Variants in MTHFD2L observed in about 807,000 individuals in gnomAD.
The protein encoded by MTHFD2L is bifunctional methylenetetrahydrofolate dehydrogenase/cyclohydrolase 2, mitochondrial.
MTHFD2L carries 29 observed loss-of-function variants against 34.9 expected under a neutral mutation model. The ratio of observed to expected loss-of-function variants is 0.83; its 90% confidence interval spans 0.62 to 1.13. The LOEUF (loss-of-function observed/expected upper bound fraction) is 1.13, where lower values mean the gene tolerates loss of function less well. Ranked by LOEUF, MTHFD2L falls within the 50% of genes most tolerant of loss-of-function variation. MTHFD2L has a pLI of 0.00. For missense variants in MTHFD2L, 481 were observed against 446.5 expected, an observed-to-expected ratio of 1.08 and a Z score of -0.70; for synonymous variants, 167 against 155.7, an observed-to-expected ratio of 1.07 and a Z score of -0.54.
At chr4:74,223,196 G>C (rs567810084) in intron 5 of MTHFD2L, among the ~76,000 whole-genome samples, 2 of 151,954 alleles carry the variant, frequency 1.3e-5, no homozygotes, top group South Asian at 4.2e-4. Flanking sequence ...ATTAATGGTA[G>C]ACTAGATAAA....
At chr4:74,129,441 A>G (rs1722307834) in intron 1 of MTHFD2L, among the ~76,000 whole-genome samples, 1 of 152,160 alleles carries the variant, frequency 6.6e-6, no homozygotes, top group Non-Finnish European at 1.5e-5. Context: ...TAAGAAACTC[A>G]CTCAAAACCA....
chr4:74,130,940 A>T (rs1216002421), intron 1 of MTHFD2L, among the ~76,000 whole-genome samples: 1 of 152,198 alleles, frequency 6.6e-6, no homozygotes, highest in Non-Finnish European at 1.5e-5. Flanking sequence ...CCTATACACC[A>T]ATAATAGACA....
intron 1 of MTHFD2L, chr4:74,161,677 A>G (rs1725497250): frequency 6.6e-6 from 1 of 152,196 alleles, no homozygotes; most frequent in African/African-American, 2.4e-5. Context: ...TTAATTTTAG[A>G]TCTTGTTAGT....
rs768932793 is a variant in MTHFD2L at position 74,207,766 on chromosome 4, C to CTTTTTTTTTTTTTTTTT, written c.712+6412_712+6413insTTTTTTTTTTTTTTTTT. ...AATTAACCCCAGTTGTGAAAAAGAACTTTTTTTTTTTTTTTTGCCAGCCTG... is the reference window on the plus strand; with the variant it reads ...AATTAACCCCAGTTGTGAAAAAGAACTTTTTTTTTTTTTTTTTTTTTTTTTTTTTTTTTGCCAGCCTG... On this transcript the variant is annotated intron_variant, in intron 5 of 7. Coordinates refer to ENST00000325278, the MANE Select transcript of MTHFD2L (RefSeq NM_001144978.3). Among the ~76,000 whole-genome samples the CTTTTTTTTTTTTTTTTT allele has an allele frequency of 2.2e-4, 28 of 128,460 alleles. 1 individual carries two copies. The highest frequency in any genetic ancestry group is 8.6e-4 in the African/African-American group (28 of 32,636). 84.3% of individuals were successfully genotyped at this position (128,460 alleles called of 152,430 possible).
chr4:74,229,260 G>A (rs1739651051), intron 6 of MTHFD2L, among the ~76,000 whole-genome samples: 1 of 152,096 alleles, frequency 6.6e-6, no homozygotes, highest in African/African-American at 2.4e-5. Flanking sequence ...GAATGTGAGT[G>A]AATATAAAAA....
At chr4:74,246,411 T>C (rs1742456010) in intron 6 of MTHFD2L, among the ~76,000 whole-genome samples, 1 of 151,940 alleles carries the variant, frequency 6.6e-6, no homozygotes, top group South Asian at 2.1e-4. Flanking sequence ...GCGAAAATTT[T>C]CTCCCATTTT....
intron 5 of MTHFD2L, among the ~76,000 whole-genome samples, chr4:74,210,259 T>C (rs374977389): frequency 1.9e-4 from 29 of 152,354 alleles, no homozygotes; most frequent in African/African-American, 6.7e-4. Context: ...CACGAAGATA[T>C]TGCCCATGCC....
At chr4:74,223,060 C>T (rs1430294727) in intron 5 of MTHFD2L, among the ~76,000 whole-genome samples, 2 of 151,986 alleles carry the variant, frequency 1.3e-5, no homozygotes, top group South Asian at 2.1e-4. Context: ...AGCTGCCATT[C>T]GACCCAGCAA....
chr4:74,152,672 C>G (rs984635648), intron 1 of MTHFD2L, among the ~76,000 whole-genome samples: 1 of 152,092 alleles, frequency 6.6e-6, no homozygotes, highest in Non-Finnish European at 1.5e-5. Flanking sequence ...CTCTCCCTTC[C>G]CTTGTCTCCA....
At chr4:74,172,345 T>C (rs1181790969) in intron 1 of MTHFD2L, among the ~76,000 whole-genome samples, 1 of 152,194 alleles carries the variant, frequency 6.6e-6, no homozygotes, top group Non-Finnish European at 1.5e-5. Context: ...TATATGACAA[T>C]TATACTGAAT....
upstream of MTHFD2L, chr4:74,156,663 T>C (rs1724285325): frequency 6.6e-6 from 1 of 152,184 alleles, no homozygotes; most frequent in Non-Finnish European, 1.5e-5. Flanking sequence ...ATCATTTTTT[T>C]ATTCACCAAC....
chr4:74,194,459 GTTGT>G (rs1348284880), intron 3 of MTHFD2L: 1 of 151,922 alleles, frequency 6.6e-6, no homozygotes, highest in Non-Finnish European at 1.5e-5. Context: ...TTTTCAGATA[GTTGT>G]TTTTGTATTT....
intron 6 of MTHFD2L, among the ~76,000 whole-genome samples, chr4:74,240,712 T>C (rs576868252): frequency 1.3e-5 from 2 of 152,320 alleles, no homozygotes; most frequent in African/African-American, 4.8e-5. Flanking sequence ...AAATGAATTT[T>C]CTAAAATGTA....
At chr4:74,271,392 T>G (rs1482690830) in intron 6 of MTHFD2L, among the ~76,000 whole-genome samples, 1 of 152,258 alleles carries the variant, frequency 6.6e-6, no homozygotes, top group Admixed American at 6.5e-5. Flanking sequence ...TACATATGGC[T>G]AGCCAGTTTT....
chr4:74,164,091 GC>G (rs1193031592), intron 1 of MTHFD2L, among the ~76,000 whole-genome samples: 40 of 152,242 alleles, frequency 2.6e-4, no homozygotes, highest in African/African-American at 6.5e-4. Flanking sequence ...TAGCCAGGAT[GC>G]GTCTTGATCT....
At chr4:74,231,359 G>A (rs1740029165) in intron 6 of MTHFD2L, among the ~76,000 whole-genome samples, 1 of 152,058 alleles carries the variant, frequency 6.6e-6, no homozygotes, top group Non-Finnish European at 1.5e-5. Flanking sequence ...ACATGGAGAA[G>A]TTCCAAGGGG....
intron 6 of MTHFD2L, among the ~76,000 whole-genome samples, chr4:74,257,347 TAAA>T (rs1480379483): frequency 2.6e-5 from 4 of 151,938 alleles, no homozygotes; most frequent in African/African-American, 7.3e-5. Flanking sequence ...GATGAAAAAA[TAAA>T]AAAGTAAGTT....
At chr4:74,202,220 T>C (rs1734562852) in intron 5 of MTHFD2L, among the ~76,000 whole-genome samples, 1 of 152,178 alleles carries the variant, frequency 6.6e-6, no homozygotes, top group Non-Finnish European at 1.5e-5. Context: ...GTAATTGACA[T>C]TGTGGACTTC....
intron 1 of MTHFD2L, among the ~76,000 whole-genome samples, chr4:74,163,348 T>C (rs1188850172): frequency 6.6e-6 from 1 of 152,216 alleles, no homozygotes; most frequent in Non-Finnish European, 1.5e-5. Flanking sequence ...AGGATTGTTC[T>C]GAGAAAGAGT....
Sources: gnomAD v4.1 joint callset for allele counts (sites outside exome capture counted in the v4.1 genomes callset) on GRCh38, gnomAD v4.1.1 for gene constraint, MANE v1.5 for transcripts, NCBI Gene and HGNC (gene_info 2026-07-23, HGNC 2026-07-21) for gene names.